The following GRIP2 variants were observed in gnomAD, a reference collection of about 807,000 sequenced individuals.
The protein encoded by GRIP2 is glutamate receptor-interacting protein 2.
In GRIP2, 58 loss-of-function variants were observed where a neutral mutation model predicts 108.3. The ratio of observed to expected loss-of-function variants is 0.54; its 90% CI spans 0.43 to 0.67. The LOEUF (loss-of-function observed/expected upper bound fraction) is 0.67, where lower values mean the gene tolerates loss of function less well. Among genes scored for constraint, GRIP2 ranks in the 30% least tolerant of loss-of-function variants. The pLI is 0.00. For missense variants in GRIP2, 1,278 were observed against 1,430.6 expected (o/e 0.89, Z 1.72); for synonymous variants, 586 against 598.2 (o/e 0.98, Z 0.30).
At chr3:14,514,549 C>G (rs1373504356) in intron 11 of GRIP2, 71 bp from the exon 12 acceptor site, 16 of 1,443,714 alleles carry the variant, frequency 1.1e-5, no homozygotes, top group Non-Finnish European at 1.2e-5. Context: ...GCCTGCCCAT[C>G]CCGGGGCCCT....
In GRIP2 at chr3:14,495,784, T is replaced by C. The variant is rs1049861812; in HGVS notation, c.2823+633A>G. Among the ~76,000 whole-genome samples the C allele has an allele frequency of 7.9e-4, 120 of 152,156 alleles. 1 individual carries two copies. The highest frequency in any genetic ancestry group is 4.7e-4 in the Non-Finnish European group (32 of 68,038). ...AAGGTAGGGATGTAAAGGTGTGAGA[T>C]ACATAGACGTCACACACACACGTAG... On this transcript the variant is annotated intron_variant, in intron 22 of 23. Transcript: ENST00000621039.
chr3:14,533,436 C>T (rs557509588), intron 1 of GRIP2, among the ~76,000 whole-genome samples: 3 of 152,306 alleles, frequency 2.0e-5, no homozygotes, highest in African/African-American at 7.2e-5. Context: ...GAAGGATTAT[C>T]TCTTAAGGAA....
the GRIP2 span, among the ~76,000 whole-genome samples, chr3:14,569,825 G>A: frequency 6.6e-6 from 1 of 152,276 alleles, no homozygotes; most frequent in East Asian, 1.9e-4. Context: ...ACTTGCCAAG[G>A]GGAAGTGACC....
chr3:14,568,531 C>G, the GRIP2 span, among the ~76,000 whole-genome samples: 1 of 152,154 alleles, frequency 6.6e-6, no homozygotes, highest in African/African-American at 2.4e-5. Flanking sequence ...GTTCCGAGGC[C>G]TGTGCTCTCT....
intron 21 of GRIP2, among the ~76,000 whole-genome samples, chr3:14,501,430 A>G (rs1197735746): frequency 1.3e-5 from 2 of 152,238 alleles, no homozygotes; most frequent in Non-Finnish European, 2.9e-5. Flanking sequence ...GAGAGACTTA[A>G]GAGACATAAT....
the GRIP2 span, chr3:14,573,795 T>G: frequency 6.5e-7 from 1 of 1,549,934 alleles, no homozygotes; most frequent in East Asian, 2.3e-5. Flanking sequence ...AAACTGTCTC[T>G]TGTGGCCGGC....
chr3:14,500,655 A>C (rs1693739977), intron 21 of GRIP2, among the ~76,000 whole-genome samples: 1 of 152,254 alleles, frequency 6.6e-6, no homozygotes, highest in Non-Finnish European at 1.5e-5. Context: ...GACATTTATA[A>C]ACTTCTAAAT....
intron 12 of GRIP2, 119 bp from the exon 13 acceptor site, chr3:14,513,929 A>C: frequency 1.5e-5 from 19 of 1,245,628 alleles, no homozygotes; most frequent in Non-Finnish European, 1.9e-5. Context: ...GGTGACTCTC[A>C]GCTCTGCCCT....
At chr3:14,494,812 C>G in intron 23 of GRIP2, 31 bp downstream of exon 23, 1 of 1,597,796 alleles carries the variant, frequency 6.3e-7, no homozygotes, top group Non-Finnish European at 8.5e-7. Context: ...ACAATGCCAC[C>G]CCCACTATGG....
At chr3:14,539,439 G>A (rs1366053838) in intron 1 of GRIP2, among the ~76,000 whole-genome samples, 2 of 152,234 alleles carry the variant, frequency 1.3e-5, no homozygotes, top group Admixed American at 6.5e-5. Flanking sequence ...AAAAGTCATC[G>A]GGGTGTCAAT....
the GRIP2 span, among the ~76,000 whole-genome samples, chr3:14,575,080 C>T: frequency 2.0e-5 from 3 of 152,054 alleles, no homozygotes; most frequent in African/African-American, 7.2e-5. Flanking sequence ...GAGATGAGCC[C>T]ATGTGGCAGG....
the GRIP2 span, among the ~76,000 whole-genome samples, chr3:14,599,863 T>TCA: frequency 2.0e-3 from 300 of 151,100 alleles, 4 homozygotes; most frequent in South Asian, 0.027. Context: ...ACAAACACAG[T>TCA]CACACACACA....
In GRIP2 at chr3:14,522,721, A is replaced by G. The variant is rs538719454; in HGVS notation, c.566+279T>C. The G allele has an allele frequency of 2.3e-6, 1 of 433,452 alleles. No individual in the cohort carries two copies. Among genetic ancestry groups the G allele is most frequent in the South Asian group, 2.6e-5 (1 of 37,836 alleles). The allele number at this position is 433,452 out of a possible 1,614,324, so 26.9% of individuals were successfully genotyped here. ...CATTCCACAGACGGGAAAACCAAGG[A>G]GCAGGAAAGGGAAGAACGACACCAA... On this transcript the variant is annotated intron_variant, in intron 6 of 23. Coordinates refer to ENST00000621039, the MANE Select transcript of GRIP2 (RefSeq NM_001080423.4). This position sits in a 1 kb window ranked among gnomAD's most constrained non-coding sequence, Gnocchi z 4.3.
chr3:14,503,926 C>T (rs894763685), intron 20 of GRIP2: 13 of 513,528 alleles, frequency 2.5e-5, no homozygotes, highest in African/African-American at 9.6e-5. Flanking sequence ...GCAGATGAGA[C>T]GGGGTGGAGA....
At chr3:14,559,006 G>T (rs940923106), upstream of GRIP2, among the ~76,000 whole-genome samples, 1 of 152,180 alleles carries the variant, frequency 6.6e-6, no homozygotes, top group Admixed American at 6.5e-5. Context: ...ACTTGGAGGG[G>T]GCAAAATACT....
chr3:14,507,446 G>T lies in GRIP2; in HGVS notation c.2218+115C>A, dbSNP rs911934346. 4 of 1,302,560 alleles carry T rather than the reference G, an allele frequency of 3.1e-6. 1 individual carries two copies. The South Asian group carries it at 5.5e-5, about 18-fold the overall frequency. 80.7% of individuals were successfully genotyped at this position (1,302,560 alleles called of 1,614,324 possible). ...TTATCTTCTTTGCCATCGCAGGCCC[G>T]CCTCCACAGGGCTGCAGTGAGGACT... is the stretch of plus-strand genomic sequence containing the variant. On this transcript the variant is annotated intron_variant, in intron 18 of 23. Transcript: ENST00000621039. This position sits in a 1 kb window ranked among gnomAD's most constrained non-coding sequence, Gnocchi z 4.6.
intron 1 of GRIP2, among the ~76,000 whole-genome samples, chr3:14,530,064 C>G (rs1220479228): frequency 5.3e-5 from 8 of 152,124 alleles, no homozygotes; most frequent in Admixed American, 5.2e-4. Flanking sequence ...CTAATGTTCA[C>G]CAGAAACAAG....
At position 14,525,878 on chromosome 3, in the gene GRIP2, G is replaced by C. The variant is rs764673577; in HGVS notation, c.94C>G (p.Leu32Val). The change falls in exon 2 of 24, where the codon CTG becomes GTG. Residue 32 changes from leucine (L) to valine (V), a missense_variant. Physicochemically the swap from Leu to Val is conservative, Grantham distance 32. Coordinates refer to ENST00000621039, the MANE Select transcript of GRIP2 (RefSeq NM_001080423.4). ...GKDAGGADVS[L>V]ACRRQSIPEE... ...GGAATGCTCTGTCTGCGGCACGCCA[G>C]GGAAACGTCGGCCCCTCCTGCGTCC... is the stretch of plus-strand genomic sequence containing the variant. 6.4e-7 allele frequency: 1 copy of C among 1,560,464 alleles called. No homozygotes were observed. Among genetic ancestry groups the C allele is most frequent in the African/African-American group, 1.4e-5 (1 of 73,488 alleles).
At chr3:14,545,296 G>A (rs963102599), upstream of GRIP2, among the ~76,000 whole-genome samples, 2 of 152,254 alleles carry the variant, frequency 1.3e-5, no homozygotes, top group African/African-American at 4.8e-5. Context: ...AAAGCCACTT[G>A]CCCTTAGGCA....
Sources: allele counts gnomAD v4.1 joint callset (sites outside exome capture counted in the v4.1 genomes callset), GRCh38; gene constraint gnomAD v4.1.1; non-coding constraint Gnocchi (gnomAD v3.1); transcripts MANE v1.5; gene names NCBI Gene and HGNC (gene_info 2026-07-23, HGNC 2026-07-21).